The following SPSB1 variants were observed in gnomAD, a reference collection of about 807,000 sequenced individuals.
SPSB1 encodes the protein splA/ryanodine receptor domain and SOCS box containing 1, also known as SPRY domain-containing SOCS box protein 1.
A neutral mutation model predicts 21.2 loss-of-function variants in SPSB1; 8 were observed. That is an observed-to-expected ratio of 0.38 (90% CI 0.22 to 0.68). The LOEUF is 0.68. Among genes scored for constraint, SPSB1 ranks in the 30% least tolerant of loss-of-function variants. The probability of loss-of-function intolerance (pLI) is 0.53; values close to 1 mark genes in which losing one functional copy is unlikely to be tolerated. For missense variants in SPSB1, 242 were observed against 377.8 expected (o/e 0.64, Z 2.98); for synonymous variants, 169 against 161.7 (o/e 1.05, Z -0.34).
intron 2 of SPSB1, among the ~76,000 whole-genome samples, chr1:9,365,398 T>C (rs1640552198): frequency 6.6e-6 from 1 of 152,220 alleles, no homozygotes; most frequent in South Asian, 2.1e-4. Context: ...ATTACAGGTA[T>C]GAGCCACTGT....
intron 1 of SPSB1, among the ~76,000 whole-genome samples, chr1:9,353,779 G>A (rs757946123): frequency 2.0e-5 from 3 of 152,106 alleles, no homozygotes; most frequent in South Asian, 2.1e-4. Context: ...TTAGCTGGGC[G>A]TGGTGGTGGG....
chr1:9,324,255 G>A lies in SPSB1; in HGVS notation c.-150+31184G>A, dbSNP rs955657988. Among the ~76,000 whole-genome samples the A allele has an allele frequency of 2.0e-5, 3 of 152,186 alleles. No homozygotes were observed. Among genetic ancestry groups the A allele is most frequent in the African/African-American group, 7.2e-5 (3 of 41,428 alleles). On this transcript the variant is annotated intron_variant, in intron 1 of 2. Coordinates refer to ENST00000328089, the MANE Select transcript of SPSB1 (RefSeq NM_025106.4). This position sits in a 1 kb window ranked among gnomAD's most constrained non-coding sequence, Gnocchi z 4.3. ...GGAGGGACTTTGTCTTTACTACCAC[G>A]TGGAGCCGGCACATAGTGGGACTCA...
chr1:9,352,423 C>T (rs1022458760), intron 1 of SPSB1, among the ~76,000 whole-genome samples: 4 of 152,188 alleles, frequency 2.6e-5, no homozygotes, highest in Non-Finnish European at 4.4e-5. Flanking sequence ...GGACCCCAGG[C>T]CAGCCTGTCC....
At chr1:9,342,692 G>T (rs886844290) in intron 1 of SPSB1, among the ~76,000 whole-genome samples, 1 of 152,210 alleles carries the variant, frequency 6.6e-6, no homozygotes, top group African/African-American at 2.4e-5. Flanking sequence ...CCAGGGGTCT[G>T]GGGCACACAT....
At chr1:9,338,817 T>A (rs1295058112) in intron 1 of SPSB1, among the ~76,000 whole-genome samples, 1 of 152,144 alleles carries the variant, frequency 6.6e-6, no homozygotes, top group African/African-American at 2.4e-5. Flanking sequence ...CTGGGGGCGC[T>A]CCCGCCTTGC....
chr1:9,302,770 A>G (rs903624108), intron 1 of SPSB1, among the ~76,000 whole-genome samples: 13 of 152,318 alleles, frequency 8.5e-5, no homozygotes, highest in Non-Finnish European at 1.6e-4. Flanking sequence ...GGGGTCTTCA[A>G]AAGGCTCTAT....
intron 1 of SPSB1, chr1:9,294,546 A>G (rs1639178713): frequency 6.6e-6 from 1 of 152,262 alleles, no homozygotes. Context: ...CATTTCTCTG[A>G]AAATGAACTA....
chr1:9,309,283 T>TGAGAGA (rs748979653), intron 1 of SPSB1, among the ~76,000 whole-genome samples: 1 of 137,644 alleles, frequency 7.3e-6, no homozygotes. Flanking sequence ...AGAGAGAGTG[T>TGAGAGA]GAGAGAGAGA....
intron 1 of SPSB1, chr1:9,339,379 G>A (rs1640054670): frequency 2.3e-6 from 2 of 860,134 alleles, no homozygotes; most frequent in Non-Finnish European, 2.8e-6. Context: ...GCCAGGCCAG[G>A]TTCTGGCAGG....
intron 1 of SPSB1, among the ~76,000 whole-genome samples, chr1:9,297,100 C>T (rs1472321779): frequency 6.6e-6 from 1 of 152,134 alleles, no homozygotes; most frequent in Admixed American, 6.5e-5. Context: ...GGATTTGTGG[C>T]AGGGCTGGGT....
rs529831217 is a variant in SPSB1, at chr1:9,346,480, G to A, written c.-149-9263G>A. On this transcript the variant is annotated intron_variant, in intron 1 of 2. Coordinates refer to ENST00000328089, the MANE Select transcript of SPSB1 (RefSeq NM_025106.4). This position sits in a 1 kb window ranked among gnomAD's most constrained non-coding sequence, Gnocchi z 4.4. Reference sequence around the variant, plus strand: ...TACATCCCCAAAAGAGGGTGTAGCCGTTCCTTCAACAGACCTCTTCCTAAA... The same window carrying A: ...TACATCCCCAAAAGAGGGTGTAGCCATTCCTTCAACAGACCTCTTCCTAAA... Among the ~76,000 whole-genome samples, 2 of 152,288 alleles carry A rather than the reference G, an allele frequency of 1.3e-5. No homozygotes were observed. Among genetic ancestry groups the A allele is most frequent in the South Asian group, 2.1e-4 (1 of 4,826 alleles).
chr1:9,357,074 C>T (rs975611538), intron 2 of SPSB1, among the ~76,000 whole-genome samples: 8 of 143,526 alleles, frequency 5.6e-5, no homozygotes, highest in Non-Finnish European at 1.2e-4. Context: ...GATAAATGAA[C>T]GGATGGATGG....
At chr1:9,323,307 CTG>C (rs1298837177) in intron 1 of SPSB1, among the ~76,000 whole-genome samples, 4 of 152,252 alleles carry the variant, frequency 2.6e-5, no homozygotes, top group African/African-American at 9.6e-5. Flanking sequence ...GGGCCCCTCT[CTG>C]GCCCCAGCCC....
chr1:9,318,997 C>T (rs368923185), intron 1 of SPSB1, among the ~76,000 whole-genome samples: 105 of 152,172 alleles, frequency 6.9e-4, no homozygotes, highest in African/African-American at 1.9e-3. Flanking sequence ...GGCAACATGG[C>T]GAAACCTGTC....
intron 1 of SPSB1, among the ~76,000 whole-genome samples, chr1:9,347,684 G>A (rs1557461804): frequency 6.6e-6 from 1 of 152,180 alleles, no homozygotes; most frequent in Non-Finnish European, 1.5e-5. Context: ...GAGCTCCGTG[G>A]TGTAGATGAG....
At chr1:9,312,717 C>T (rs1260423506) in intron 1 of SPSB1, among the ~76,000 whole-genome samples, 1 of 151,986 alleles carries the variant, frequency 6.6e-6, no homozygotes, top group Non-Finnish European at 1.5e-5. Context: ...ATCAAATTGG[C>T]GTGGTTTTGG....
chr1:9,309,810 C>G (rs1330365314), intron 1 of SPSB1, among the ~76,000 whole-genome samples: 4 of 152,184 alleles, frequency 2.6e-5, no homozygotes, highest in Non-Finnish European at 5.9e-5. Context: ...CCATTGCACT[C>G]CAGCCTGGGC....
chr1:9,332,262 G>C (rs75515177), intron 1 of SPSB1, among the ~76,000 whole-genome samples: 4,126 of 152,232 alleles, frequency 0.027, 129 homozygotes, highest in African/African-American at 0.074. Flanking sequence ...AAGGGACTTG[G>C]AGACTCTTGC....
intron 1 of SPSB1, among the ~76,000 whole-genome samples, chr1:9,336,684 A>G (rs778409049): frequency 6.6e-6 from 1 of 152,062 alleles, no homozygotes; most frequent in Non-Finnish European, 1.5e-5. Flanking sequence ...TGAGGACGCA[A>G]CTCCTGGCCG....
Sources: gnomAD v4.1 joint callset for allele counts (sites outside exome capture counted in the v4.1 genomes callset) on GRCh38, gnomAD v4.1.1 for gene constraint, Gnocchi (gnomAD v3.1) non-coding constraint, MANE v1.5 for transcripts, NCBI Gene and HGNC (gene_info 2026-07-23, HGNC 2026-07-21) for gene names.